Variants in MICAL2 observed in about 807,000 individuals in gnomAD.
MICAL2 encodes microtubule associated monooxygenase, calponin and LIM domain containing 2.
In MICAL2, 77 loss-of-function variants were observed where a neutral mutation model predicts 127.3. That is an observed-to-expected ratio of 0.60 (90% CI 0.50 to 0.73). The LOEUF (loss-of-function observed/expected upper bound fraction) is 0.73. MICAL2 is among the 30% of genes least tolerant of loss of function. The pLI is 0.00. For synonymous variants in MICAL2, 570 were observed against 551.1 expected, an observed-to-expected ratio of 1.03 and a Z score of -0.48; for missense variants, 1,351 against 1,434.4, an observed-to-expected ratio of 0.94 and a Z score of 0.94.
At chr11:12,186,785 G>A (rs1858348782) in intron 3 of MICAL2, among the ~76,000 whole-genome samples, 1 of 152,208 alleles carries the variant, frequency 6.6e-6, no homozygotes, top group Admixed American at 6.5e-5. Flanking sequence ...AGCACAGGTG[G>A]TGGGGACCCC....
At chr11:12,313,244 A>G (rs545615379) in intron 29 of MICAL2, among the ~76,000 whole-genome samples, 1 of 151,922 alleles carries the variant, frequency 6.6e-6, no homozygotes, top group South Asian at 2.1e-4. Flanking sequence ...GTTTTTACAC[A>G]GAAAGGGAGG....
intron 30 of MICAL2, chr11:12,323,973 C>A: frequency 6.3e-7 from 1 of 1,595,226 alleles, no homozygotes; most frequent in South Asian, 1.1e-5. Flanking sequence ...CATTGGTTTT[C>A]ATAGGAGAAG....
At chr11:12,318,142 C>T (rs1341998718) in intron 29 of MICAL2, among the ~76,000 whole-genome samples, 3 of 152,156 alleles carry the variant, frequency 2.0e-5, no homozygotes, top group African/African-American at 2.4e-5. Context: ...GCTAATATAC[C>T]GGCATTGCGC....
chr11:12,178,141 C>A (rs1164387208), intron 3 of MICAL2, among the ~76,000 whole-genome samples: 3 of 152,106 alleles, frequency 2.0e-5, no homozygotes, highest in African/African-American at 7.2e-5. Context: ...ACTGTGCCTA[C>A]ATGATGAAGC....
rs187390195 is a variant in MICAL2 at position 12,356,566 on chromosome 11, A to G, written c.5689+1709A>G. 1.5e-3 allele frequency among the ~76,000 whole-genome samples: 229 copies of G among 151,984 alleles called. 1 individual carries two copies. Among genetic ancestry groups the G allele is most frequent in the African/African-American group, 5.4e-3 (223 of 41,460 alleles). ...GCAACTCTCTCTGGTGGCATCTGCA[A>G]CTGAGGTGTGTGCTGGTCTCATCCG... is the stretch of plus-strand genomic sequence containing the variant. On this transcript the variant is annotated intron_variant, in intron 34 of 34. Transcript: ENST00000646065.
At chr11:12,213,082 T>C (rs1278600653) in intron 6 of MICAL2, among the ~76,000 whole-genome samples, 173 bp from the exon 7 acceptor site, 2 of 151,368 alleles carry the variant, frequency 1.3e-5, no homozygotes, top group Non-Finnish European at 3.0e-5. Context: ...CACTGACTTT[T>C]AAAAGCCTTG....
downstream of MICAL2, chr11:12,293,867 C>A (rs764259638): frequency 1.2e-6 from 2 of 1,609,484 alleles, no homozygotes; most frequent in Non-Finnish European, 1.7e-6. Context: ...AGGGCAAGAG[C>A]TATCTCCCTT....
chr11:12,317,031 C>G (rs1236523067), intron 29 of MICAL2, among the ~76,000 whole-genome samples: 1 of 152,150 alleles, frequency 6.6e-6, no homozygotes, highest in Non-Finnish European at 1.5e-5. Context: ...TTTCCAGCAG[C>G]TATTTGCCCA....
intron 2 of MICAL2, among the ~76,000 whole-genome samples, chr11:12,285,860 C>A (rs537411526): frequency 6.6e-6 from 1 of 152,176 alleles, no homozygotes; most frequent in Non-Finnish European, 1.5e-5. Flanking sequence ...ACCCTCCCTG[C>A]GTCCATCTCC....
intron 22 of MICAL2, 44 bp from the exon 23 acceptor site, chr11:12,255,599 C>G (rs1219380305): frequency 5.7e-6 from 9 of 1,570,860 alleles, no homozygotes; most frequent in Non-Finnish European, 7.0e-6. Flanking sequence ...TGCTAACTGG[C>G]CTCTACCTTT....
intron 29 of MICAL2, among the ~76,000 whole-genome samples, chr11:12,310,731 A>G (rs1209244792): frequency 2.0e-5 from 3 of 151,966 alleles, no homozygotes; most frequent in African/African-American, 7.2e-5. Context: ...GTATTTTGAT[A>G]GGGGTTGCAT....
intron 1 of MICAL2, among the ~76,000 whole-genome samples, chr11:12,125,101 C>T (rs764521320): frequency 7.2e-5 from 11 of 152,228 alleles, no homozygotes; most frequent in Non-Finnish European, 1.2e-4. Context: ...ATCTCAGCCC[C>T]ACCCGCCAGA....
intron 21 of MICAL2, among the ~76,000 whole-genome samples, chr11:12,248,475 C>A (rs796445133): frequency 1.6e-4 from 24 of 152,318 alleles, no homozygotes; most frequent in African/African-American, 4.8e-4. Context: ...TGGCTGCTGG[C>A]TGTTTGCCAT....
chr11:12,157,831 C>T (rs1854357630), intron 2 of MICAL2, among the ~76,000 whole-genome samples: 1 of 152,184 alleles, frequency 6.6e-6, no homozygotes, highest in Non-Finnish European at 1.5e-5. Context: ...TAGGTCAGCC[C>T]TTCCCAGTTC....
chr11:12,161,916 C>A (rs567183962), intron 2 of MICAL2, 163 bp from the exon 3 acceptor site: 28 of 567,800 alleles, frequency 4.9e-5, no homozygotes, highest in Non-Finnish European at 8.0e-5. Context: ...CCAAAAGGCA[C>A]AATTCTGTAT....
At chr11:12,301,011 C>T (rs974357988) in intron 29 of MICAL2, among the ~76,000 whole-genome samples, 3 of 152,314 alleles carry the variant, frequency 2.0e-5, no homozygotes, top group Middle Eastern at 3.4e-3. Flanking sequence ...TTGGACTTAA[C>T]AGTTCCACAT....
intron 15 of MICAL2, among the ~76,000 whole-genome samples, chr11:12,229,617 A>C (rs1200334572): frequency 6.6e-6 from 1 of 152,212 alleles, no homozygotes; most frequent in Non-Finnish European, 1.5e-5. Context: ...CCTTTCACTC[A>C]CCACACCTCT....
At chr11:12,323,670 C>T (rs769371379) in intron 30 of MICAL2, among the ~76,000 whole-genome samples, 17 of 152,266 alleles carry the variant, frequency 1.1e-4, no homozygotes, top group South Asian at 8.3e-4. Flanking sequence ...AACCTACTAG[C>T]GACATGTGGC....
chr11:12,343,306 G>A (rs1202090031), intron 32 of MICAL2, among the ~76,000 whole-genome samples: 3 of 151,340 alleles, frequency 2.0e-5, no homozygotes, highest in Non-Finnish European at 4.4e-5. Flanking sequence ...TACTCAGGAG[G>A]CTGAGGCAGG....
Sources: allele counts gnomAD v4.1 joint callset (sites outside exome capture counted in the v4.1 genomes callset), GRCh38; gene constraint gnomAD v4.1.1; transcripts MANE v1.5; gene names NCBI Gene and HGNC (gene_info 2026-07-23, HGNC 2026-07-21).